OXNAD1: variants seen among roughly 807,000 people sequenced by gnomAD.
OXNAD1 encodes oxidoreductase NAD binding domain containing 1.
Under a neutral mutation model 32.9 loss-of-function variants are expected in OXNAD1, and 34 were observed. That is an observed-to-expected ratio of 1.03 (90% confidence interval 0.79 to 1.38). OXNAD1 has a LOEUF of 1.38. OXNAD1 is among the 40% of genes most tolerant of loss of function. The pLI is 0.00. For missense variants in OXNAD1, 407 were observed against 379.4 expected, an observed-to-expected ratio of 1.07 and a Z score of -0.60; for synonymous variants, 134 against 135.2, an observed-to-expected ratio of 0.99 and a Z score of 0.06.
At chr3:16,325,779 T>A (rs2069628088) in intron 9 of OXNAD1, among the ~76,000 whole-genome samples, 1 of 152,178 alleles carries the variant, frequency 6.6e-6, no homozygotes, top group Admixed American at 6.5e-5. Flanking sequence ...GAGGAGGGAC[T>A]AGGAAAGACA....
downstream of OXNAD1, among the ~76,000 whole-genome samples, chr3:16,306,471 A>T (rs2067567970): frequency 6.6e-6 from 1 of 152,176 alleles, no homozygotes; most frequent in Non-Finnish European, 1.5e-5. Flanking sequence ...TGATTCCTTA[A>T]TATCCTCTAA....
At position 16,280,453 on chromosome 3, in the gene OXNAD1, G is replaced by C. The variant is rs531652283; in HGVS notation, c.184-5889G>C. Among the ~76,000 whole-genome samples the C allele has an allele frequency of 6.2e-4, 94 of 151,858 alleles. No homozygotes were observed. The highest frequency in any genetic ancestry group is 1.6e-3 in the Admixed American group (25 of 15,242). Reference sequence around the variant, plus strand: ...TTAGTAAATCACTTGAGTAAAATCTGCTTCTAGTCAGATTCCTACACATCA... The same window carrying C: ...TTAGTAAATCACTTGAGTAAAATCTCCTTCTAGTCAGATTCCTACACATCA... On this transcript the variant is annotated intron_variant, in intron 4 of 8. Transcript: ENST00000285083. This position sits in a 1 kb window ranked among gnomAD's most constrained non-coding sequence, Gnocchi z 4.5.
chr3:16,312,123 G>A lies in OXNAD1; in HGVS notation c.*30+8531G>A, dbSNP rs558817049. ...ATTTTCTTAGTCTAGCCACTGAAAC[G>A]ATTGTTATCAACAGGAACCTGTGGT... On this transcript the variant is annotated intron_variant, in intron 9 of 9. Coordinates refer to the OXNAD1 transcript ENST00000435829. This position sits in a 1 kb window ranked among gnomAD's most constrained non-coding sequence, Gnocchi z 4.7. 1.6e-4 allele frequency among the ~76,000 whole-genome samples: 24 copies of A among 152,258 alleles called. No individual in the cohort carries two copies. In the South Asian group the frequency reaches 3.3e-3, roughly 21 times the overall value.
Position 16,270,935 on chromosome 3 carries a change from G to C in OXNAD1, c.-8-10G>C. On this transcript the variant is annotated splice_polypyrimidine_tract_variant and intron_variant, in intron 2 of 8. Transcript: ENST00000285083. ...AAACAATTTGAAATTTCAGTTTTCT[G>C]TTTGCCCAGAAAGCGCCATGGCCTG... 6.2e-7 allele frequency: 1 copy of C among 1,613,420 alleles called. No individual in the cohort carries two copies. Among genetic ancestry groups the C allele is most frequent in the African/African-American group, 1.3e-5 (1 of 74,968 alleles).
rs909231468 is a variant in OXNAD1 at position 16,290,800 on chromosome 3, C to T, written c.291-4056C>T. On this transcript the variant is annotated intron_variant, in intron 5 of 8. Transcript: ENST00000285083. The surrounding 1 kb of genome is among the most constrained non-coding windows in gnomAD (Gnocchi z 4.2). Reference sequence around the variant, plus strand: ...ATAATAAATGACTGGAAATGTAAGGCCATAGACTGCAGGAGAATATTTTTT... The same window carrying T: ...ATAATAAATGACTGGAAATGTAAGGTCATAGACTGCAGGAGAATATTTTTT... 2.6e-5 allele frequency among the ~76,000 whole-genome samples: 4 copies of T among 152,140 alleles called. No homozygotes were observed. The highest frequency in any genetic ancestry group is 4.4e-5 in the Non-Finnish European group (3 of 68,020).
rs842274 is a variant in OXNAD1 at position 16,286,348 on chromosome 3, T to G, written c.190T>G (p.Ser64Ala). Residue 64 changes from serine to alanine, a missense_variant, in exon 5 of 9, where the codon TCA becomes GCA. By Grantham distance (99) the Ser-to-Ala change is moderately conservative. Coordinates refer to ENST00000285083, the MANE Select transcript of OXNAD1 (RefSeq NM_138381.5). ...TASVLRREIV[S>A]AAKVCGAASE... Reference sequence around the variant, plus strand: ...GTTCATCTTTTGGTTTTAGATTGTGTCAGCAGCTAAGGTGTGTGGAGCTGC... The same window carrying G: ...GTTCATCTTTTGGTTTTAGATTGTGGCAGCAGCTAAGGTGTGTGGAGCTGC... 691,417 of 1,610,668 alleles carry G rather than the reference T, an allele frequency of 0.43. 150,070 individuals carry two copies. The highest frequency in any genetic ancestry group is 0.52 in the South Asian group (47,711 of 90,992).
At chr3:16,279,724 T>C (rs2125016000) in intron 4 of OXNAD1, among the ~76,000 whole-genome samples, 1 of 152,222 alleles carries the variant, frequency 6.6e-6, no homozygotes, top group Admixed American at 6.5e-5. Context: ...GAGCCAACTG[T>C]GCTGAATTCT....
At position 16,345,373 on chromosome 3, in the gene OXNAD1, C is replaced by G. The variant is rs1375960350; in HGVS notation, c.*31-3803C>G. The G allele has an allele frequency of 2.6e-5, 4 of 151,890 alleles. No individual in the cohort carries two copies. Among genetic ancestry groups the G allele is most frequent in the Non-Finnish European group, 5.9e-5 (4 of 68,022 alleles). The allele number at this position is 151,890 out of a possible 1,614,324, so 9.4% of individuals were successfully genotyped here. ...TTGGGAAAACCTAAAGATATAGCCC[C>G]TGTTATCACATTGAGCCCTTAACTT... On this transcript the variant is annotated intron_variant, in intron 9 of 9. Transcript: ENST00000606098. This position sits in a 1 kb window ranked among gnomAD's most constrained non-coding sequence, Gnocchi z 5.2.
At position 16,301,612 on chromosome 3, in the gene OXNAD1, C is replaced by T. The variant is rs2067185794; in HGVS notation, c.433-14C>T. The T allele has an allele frequency of 6.2e-7, 1 of 1,613,162 alleles. No individual in the cohort carries two copies. The highest frequency in any genetic ancestry group is 8.5e-7 in the Non-Finnish European group (1 of 1,179,472). On this transcript the variant is annotated splice_polypyrimidine_tract_variant and intron_variant, in intron 6 of 8. Transcript: ENST00000285083. This position sits in a 1 kb window ranked among gnomAD's most constrained non-coding sequence, Gnocchi z 4.1. ...GCTACAAAAGACTAAAAGGTCTTTT[C>T]TTTCCTGCCTTAGTGTACACTTGAC...
rs1480300581 is a variant in OXNAD1 at position 16,287,822 on chromosome 3, T to C, written c.290+1374T>C. On this transcript the variant is annotated intron_variant, in intron 5 of 8. Transcript: ENST00000285083. This position sits in a 1 kb window ranked among gnomAD's most constrained non-coding sequence, Gnocchi z 4.8. ...TATTTGTAGAAATAGAGTCCTACTG[T>C]GATTCTCAAGATGAAATGATTTGGG... is the stretch of plus-strand genomic sequence containing the variant. Among the ~76,000 whole-genome samples, 1 of 152,228 alleles carries C rather than the reference T, an allele frequency of 6.6e-6. No individual in the cohort carries two copies. The highest frequency in any genetic ancestry group is 1.9e-4 in the East Asian group (1 of 5,198).
chr3:16,268,246 C>T (rs2064676673), intron 1 of OXNAD1, among the ~76,000 whole-genome samples: 1 of 148,940 alleles, frequency 6.7e-6, no homozygotes. Flanking sequence ...CTTTATTTAC[C>T]AGTAGGTGGC....
chr3:16,333,260 C>T (rs1249659581), intron 9 of OXNAD1, among the ~76,000 whole-genome samples: 1 of 152,200 alleles, frequency 6.6e-6, no homozygotes, highest in African/African-American at 2.4e-5. Flanking sequence ...AGGACACTTG[C>T]TTTTAGTATG....
chr3:16,333,717 C>T (rs2070555174), intron 9 of OXNAD1, among the ~76,000 whole-genome samples: 1 of 151,566 alleles, frequency 6.6e-6, no homozygotes, highest in African/African-American at 2.4e-5. Context: ...GTTTGCAGCT[C>T]ATATTACAGA....
chr3:16,317,064 C>T lies in OXNAD1; in HGVS notation c.*30+13472C>T. 2 of 1,613,892 alleles carry T rather than the reference C, an allele frequency of 1.2e-6. No individual in the cohort carries two copies. Among genetic ancestry groups the T allele is most frequent in the Non-Finnish European group, 1.7e-6 (2 of 1,179,996 alleles). ...TTCATCTCCTCGGAGACTCCACCCT[C>T]CTGCTGCTGTCCTGAAACACAGTTT... On this transcript the variant is annotated intron_variant, in intron 9 of 9. Coordinates refer to the OXNAD1 transcript ENST00000435829. The surrounding 1 kb of genome is among the most constrained non-coding windows in gnomAD (Gnocchi z 4.3).
downstream of OXNAD1, among the ~76,000 whole-genome samples, chr3:16,341,421 T>A (rs1043059253): frequency 2.0e-5 from 3 of 152,200 alleles, no homozygotes; most frequent in African/African-American, 7.2e-5. The surrounding 1 kb of genome is among the most constrained non-coding windows in gnomAD (Gnocchi z 4.7). Flanking sequence ...CTTCAGTAAC[T>A]GACAGAGAAA....
chr3:16,318,815 G>A lies in OXNAD1; in HGVS notation c.*30+15223G>A, dbSNP rs545795639. 3.9e-5 allele frequency among the ~76,000 whole-genome samples: 6 copies of A among 152,250 alleles called. 1 individual carries two copies. In the South Asian group the frequency reaches 1.0e-3, roughly 26 times the overall value. On this transcript the variant is annotated intron_variant, in intron 9 of 9. Coordinates refer to the OXNAD1 transcript ENST00000435829. ...CCTTTGACTTCTTTTGAAATGTCTC[G>A]TACTGTAGCTGACAGACTTCCCTTA...
rs751950071 is a variant in OXNAD1, at chr3:16,303,465, A to G, written c.842A>G (p.Tyr281Cys). Reference protein sequence around the residue: ...RDHISKETLFYICGPPPMTDF... With the variant: ...RDHISKETLFCICGPPPMTDF... ...CATATTTCAAAAGAGACTTTGTTCT[A>G]TATTTGTGGCCCACCTCCAATGACA... Residue 281 changes from tyrosine to cysteine, a missense_variant, in exon 9 of 9, where the codon TAT becomes TGT. Coordinates refer to ENST00000285083, the MANE Select transcript of OXNAD1 (RefSeq NM_138381.5). The surrounding 1 kb of genome is among the most constrained non-coding windows in gnomAD (Gnocchi z 4.8). The G allele has an allele frequency of 9.0e-5, 146 of 1,613,976 alleles. No homozygotes were observed. The highest frequency in any genetic ancestry group is 1.9e-4 in the South Asian group (17 of 91,088).
Position 16,317,842 on chromosome 3 carries a change from C to T in OXNAD1, c.*30+14250C>T, listed in dbSNP as rs2068589237. Among the ~76,000 whole-genome samples, 1 of 152,178 alleles carries T rather than the reference C, an allele frequency of 6.6e-6. No homozygotes were observed. The highest frequency in any genetic ancestry group is 2.4e-5 in the African/African-American group (1 of 41,438). The stretch of plus-strand genomic sequence containing the variant: ...GGCAACCTACAACCAATGACTGCCC[C>T]AGGTGGGATACAACAACCCATTTCC... On this transcript the variant is annotated intron_variant, in intron 9 of 9. Coordinates refer to the OXNAD1 transcript ENST00000435829. This position sits in a 1 kb window ranked among gnomAD's most constrained non-coding sequence, Gnocchi z 4.3.
chr3:16,301,732 G>A lies in OXNAD1; in HGVS notation c.539G>A (p.Gly180Glu), dbSNP rs147050696. 14 of 1,613,902 alleles carry A rather than the reference G, an allele frequency of 8.7e-6. No individual in the cohort carries two copies. Among genetic ancestry groups the A allele is most frequent in the Non-Finnish European group, 1.1e-5 (13 of 1,179,992 alleles). ...CTCGTGTTGATTGCAGGAGGAGTCG[G>A]AATTAACCCTCTGCTTTCCATCCTG... ...RNLVLIAGGV[G>E]INPLLSILRH... The change falls in exon 7 of 9, where the codon GGA (glycine) becomes GAA (glutamate). Residue 180 changes from glycine to glutamate, a missense_variant. Physicochemically the swap from Gly to Glu is moderately conservative, Grantham distance 98 (BLOSUM62 -2). Transcript: ENST00000285083. The surrounding 1 kb of genome is among the most constrained non-coding windows in gnomAD (Gnocchi z 4.1).
Sources: allele counts gnomAD v4.1 joint callset (sites outside exome capture counted in the v4.1 genomes callset), GRCh38; gene constraint gnomAD v4.1.1; non-coding constraint Gnocchi (gnomAD v3.1); transcripts MANE v1.5; gene names NCBI Gene and HGNC (gene_info 2026-07-23, HGNC 2026-07-21).